ZEB1: variants seen among roughly 807,000 people sequenced by gnomAD.
ZEB1 encodes the protein zinc finger E-box binding homeobox 1.
A neutral mutation model predicts 84.9 loss-of-function variants in ZEB1; 21 were observed. That is an observed-to-expected ratio of 0.25 (90% CI 0.18 to 0.36). ZEB1 has a LOEUF of 0.36. ZEB1 is among the 10% of genes least tolerant of loss of function. The probability of loss-of-function intolerance (pLI) is 1.00; values close to 1 mark genes in which losing one functional copy is unlikely to be tolerated. For missense variants in ZEB1, 1,104 were observed against 1,330.2 expected, an observed-to-expected ratio of 0.83 and a Z score of 2.65; for synonymous variants, 420 against 471.1, an observed-to-expected ratio of 0.89 and a Z score of 1.41.
chr10:31,384,988 T>TA (rs2048361993), intron 1 of ZEB1, among the ~76,000 whole-genome samples: 1 of 152,192 alleles, frequency 6.6e-6, no homozygotes, highest in Non-Finnish European at 1.5e-5. Flanking sequence ...TTCAAAGGCT[T>TA]ACAGCATGTT....
intron 1 of ZEB1, among the ~76,000 whole-genome samples, chr10:31,329,350 A>G (rs2036268009): frequency 6.6e-6 from 1 of 152,128 alleles, no homozygotes; most frequent in South Asian, 2.1e-4. Context: ...TCAGTAGCTC[A>G]TTCCTTTTGT....
At chr10:31,389,261 G>A (rs1211501060) in intron 1 of ZEB1, among the ~76,000 whole-genome samples, 4 of 152,048 alleles carry the variant, frequency 2.6e-5, no homozygotes, top group African/African-American at 9.7e-5. Flanking sequence ...ATCATAGGTA[G>A]GAGGGAAAAC....
intron 1 of ZEB1, among the ~76,000 whole-genome samples, chr10:31,458,723 A>G (rs1252438794): frequency 6.6e-6 from 1 of 152,110 alleles, no homozygotes; most frequent in East Asian, 1.9e-4. Flanking sequence ...ATAAGTATAT[A>G]TAAGGAATGG....
At chr10:31,448,160 A>G (rs2060039554) in intron 1 of ZEB1, among the ~76,000 whole-genome samples, 2 of 140,470 alleles carry the variant, frequency 1.4e-5, no homozygotes, top group South Asian at 2.4e-4. Context: ...CATTTCATTC[A>G]TTTCATCTTC....
At chr10:31,399,130 G>A (rs2051406084) in intron 1 of ZEB1, among the ~76,000 whole-genome samples, 1 of 151,974 alleles carries the variant, frequency 6.6e-6, no homozygotes, top group Admixed American at 6.6e-5. Context: ...ATGTAGCGGG[G>A]ATTACAGGCG....
At position 31,526,929 on chromosome 10, in the gene ZEB1, A is replaced by G; in HGVS notation, c.3043A>G (p.Arg1015Gly). The G allele has an allele frequency of 6.2e-7, 1 of 1,614,146 alleles. No individual in the cohort carries two copies. The highest frequency in any genetic ancestry group is 1.1e-5 in the South Asian group (1 of 91,086). Residue 1015 changes from arginine (R) to glycine (G), a missense_variant, in exon 9 of 9, where the codon AGG becomes GGG. Arg to Gly is a moderately radical substitution (Grantham distance 125, BLOSUM62 -2). Coordinates refer to ENST00000424869, the MANE Select transcript of ZEB1 (RefSeq NM_001174096.2). ...CCTCTCGAATGAGCACGTGGGTGCC[A>G]GGGCGTCTCCCTCACAGGGCGACTC... ...EILSNEHVGA[R>G]ASPSQGDSDE... is the part of the protein sequence containing the mutation.
intron 2 of ZEB1, among the ~76,000 whole-genome samples, chr10:31,490,551 C>T (rs2066387306): frequency 6.6e-6 from 1 of 151,590 alleles, no homozygotes. Flanking sequence ...TAAATATCTT[C>T]CATTTGCTGA....
Position 31,328,914 on chromosome 10 carries a change from A to G in ZEB1, c.58+9622A>G, listed in dbSNP as rs552988868. On this transcript the variant is annotated intron_variant, in intron 1 of 8. Transcript: ENST00000424869. ...CATATATCCATTTGGCTGGGAATGTATTTAAGAAGATGGCTGTCTTACTGT... is the reference window on the plus strand; with the variant it reads ...CATATATCCATTTGGCTGGGAATGTGTTTAAGAAGATGGCTGTCTTACTGT... 4.7e-4 allele frequency among the ~76,000 whole-genome samples: 72 copies of G among 152,226 alleles called. 1 individual carries two copies. Among genetic ancestry groups the G allele is most frequent in the African/African-American group, 1.7e-3 (71 of 41,562 alleles).
intron 5 of ZEB1, among the ~76,000 whole-genome samples, chr10:31,513,734 C>T (rs2070541848): frequency 6.6e-6 from 1 of 152,092 alleles, no homozygotes; most frequent in Non-Finnish European, 1.5e-5. Flanking sequence ...ATTATGTAAA[C>T]CAAAGCCAAA....
chr10:31,319,957 G>A (rs184559792), intron 1 of ZEB1: 9,516 of 148,492 alleles, frequency 0.064, 755 homozygotes, highest in African/African-American at 0.18. Context: ...CGTGTGCGCG[G>A]GCGCCGGCTG....
At chr10:31,325,265 A>G (rs1163647789) in intron 1 of ZEB1, among the ~76,000 whole-genome samples, 1 of 152,068 alleles carries the variant, frequency 6.6e-6, no homozygotes, top group African/African-American at 2.4e-5. Flanking sequence ...ATTATATAAT[A>G]TGGATGTAGA....
chr10:31,345,590 T>A (rs1023134520), intron 1 of ZEB1, among the ~76,000 whole-genome samples: 14 of 152,112 alleles, frequency 9.2e-5, no homozygotes, highest in Non-Finnish European at 1.9e-4. Context: ...TTGTGTGGGT[T>A]ATGAGGCCCA....
chr10:31,358,035 G>C (rs1375775770), intron 1 of ZEB1: 2 of 152,112 alleles, frequency 1.3e-5, no homozygotes, highest in African/African-American at 4.8e-5. Context: ...CCCCCAACTT[G>C]CTCCTTATTG....
rs532256978 is a variant in ZEB1 at position 31,319,446 on chromosome 10, C to A, written c.58+154C>A. The A allele has an allele frequency of 3.7e-5, 26 of 711,050 alleles. No individual in the cohort carries two copies. In the Middle Eastern group the frequency reaches 1.6e-3, roughly 44 times the overall value. The allele number at this position is 711,050 out of a possible 1,614,324, so 44.0% of individuals were successfully genotyped here. Reference sequence around the variant, plus strand: ...AGTAGAAAGTAGTGCTCTCTGCCCCCCTCCGCTGCCGCCGCTGCCGGAGCC... The same window carrying A: ...AGTAGAAAGTAGTGCTCTCTGCCCCACTCCGCTGCCGCCGCTGCCGGAGCC... On this transcript the variant is annotated intron_variant, in intron 1 of 8. Coordinates refer to ENST00000424869, the MANE Select transcript of ZEB1 (RefSeq NM_001174096.2).
intron 3 of ZEB1, among the ~76,000 whole-genome samples, chr10:31,498,451 G>T (rs1240488447): frequency 6.6e-6 from 1 of 151,882 alleles, no homozygotes; most frequent in Non-Finnish European, 1.5e-5. Flanking sequence ...TGTTCACCTT[G>T]CAGGACTTCT....
At chr10:31,410,714 C>T (rs1460735120) in intron 1 of ZEB1, among the ~76,000 whole-genome samples, 1 of 152,128 alleles carries the variant, frequency 6.6e-6, no homozygotes, top group Non-Finnish European at 1.5e-5. Flanking sequence ...GATTTGACAT[C>T]TTCCTGGTTT....
chr10:31,472,556 G>C (rs1490961236), intron 2 of ZEB1, among the ~76,000 whole-genome samples: 1 of 144,612 alleles, frequency 6.9e-6, no homozygotes, highest in Non-Finnish European at 1.5e-5. Flanking sequence ...TGAAATTGTG[G>C]CAATAATCAA....
chr10:31,322,006 T>C (rs1385772262), intron 1 of ZEB1: 1 of 202,792 alleles, frequency 4.9e-6, no homozygotes, highest in African/African-American at 2.3e-5. Context: ...TGCGTCTGTT[T>C]AGCACAAAAC....
chr10:31,390,880 A>G (rs898020949), intron 1 of ZEB1, among the ~76,000 whole-genome samples: 1 of 152,104 alleles, frequency 6.6e-6, no homozygotes, highest in Non-Finnish European at 1.5e-5. Context: ...AACATTTTTA[A>G]TGTATTGATT....
Sources: allele counts gnomAD v4.1 joint callset (sites outside exome capture counted in the v4.1 genomes callset), GRCh38; gene constraint gnomAD v4.1.1; transcripts MANE v1.5; gene names NCBI Gene and HGNC (gene_info 2026-07-23, HGNC 2026-07-21).